LRP1B: variants seen among roughly 807,000 people sequenced by gnomAD.
LRP1B encodes the protein low-density lipoprotein receptor-related protein 1B.
In LRP1B, 217 loss-of-function variants were observed where a neutral mutation model predicts 556.6. That is an observed-to-expected ratio of 0.39 (90% CI 0.35 to 0.44). LRP1B has a LOEUF of 0.44. LRP1B is among the 20% of genes least tolerant of loss of function. LRP1B has a pLI of 1.00. For synonymous variants in LRP1B, 2,047 were observed against 1,865.8 expected (o/e 1.10, Z -2.50); for missense variants, 5,053 against 5,620.8 (o/e 0.90, Z 3.23).
At chr2:140,982,334 A>T in intron 17 of LRP1B, 58 bp from the exon 18 acceptor site, 1 of 1,048,530 alleles carries the variant, frequency 9.5e-7, no homozygotes, top group South Asian at 1.3e-5. Flanking sequence ...AACATCAAGG[A>T]TATAATTAAG....
At chr2:140,420,291 A>T (rs1057429803) in intron 66 of LRP1B, among the ~76,000 whole-genome samples, 7 of 152,188 alleles carry the variant, frequency 4.6e-5, no homozygotes, top group Non-Finnish European at 1.0e-4. Context: ...TAAGCCCACA[A>T]AATGCTGTAA....
chr2:141,640,970 C>A (rs1023114735), intron 2 of LRP1B, among the ~76,000 whole-genome samples: 3 of 152,206 alleles, frequency 2.0e-5, no homozygotes, highest in East Asian at 3.9e-4. Context: ...GGGCCTGCCA[C>A]GTACTAGTAT....
chr2:141,740,441 A>C (rs1038813669), intron 2 of LRP1B, among the ~76,000 whole-genome samples: 1 of 152,180 alleles, frequency 6.6e-6, no homozygotes, highest in African/African-American at 2.4e-5. Flanking sequence ...TGTAACTTTT[A>C]ACATTATTTT....
chr2:141,746,947 C>A (rs996063729), intron 2 of LRP1B, among the ~76,000 whole-genome samples: 2 of 151,636 alleles, frequency 1.3e-5, no homozygotes, highest in African/African-American at 4.9e-5. Flanking sequence ...TCAGAGTTTG[C>A]TTAAAAGCAT....
intron 1 of LRP1B, among the ~76,000 whole-genome samples, chr2:141,920,788 T>G (rs1574493945): frequency 6.6e-6 from 1 of 152,052 alleles, no homozygotes; most frequent in South Asian, 2.1e-4. Context: ...TAATATTATG[T>G]TAATCCTGCA....
chr2:140,333,529 G>C (rs1311214025), intron 79 of LRP1B, among the ~76,000 whole-genome samples: 3 of 151,806 alleles, frequency 2.0e-5, no homozygotes, highest in Non-Finnish European at 2.9e-5. Flanking sequence ...TCCCCATAAA[G>C]AGTAAAAACA....
At chr2:140,601,299 C>T in intron 42 of LRP1B, 151 bp downstream of exon 42, 6 of 607,466 alleles carry the variant, frequency 9.9e-6, no homozygotes, top group Non-Finnish European at 1.5e-5. Flanking sequence ...ATTTATAATG[C>T]TCTTACATAA....
At chr2:141,868,071 C>G (rs775514844) in intron 1 of LRP1B, among the ~76,000 whole-genome samples, 1 of 152,174 alleles carries the variant, frequency 6.6e-6, no homozygotes, top group East Asian at 1.9e-4. Context: ...CTTCTAACAT[C>G]TATTCTGACT....
intron 1 of LRP1B, among the ~76,000 whole-genome samples, chr2:142,055,120 T>G (rs1018893591): frequency 2.0e-5 from 3 of 152,104 alleles, no homozygotes; most frequent in African/African-American, 7.2e-5. Context: ...CAAGACAGAA[T>G]GTTTTTCTCC....
chr2:141,100,366 C>T (rs892051603), intron 7 of LRP1B, among the ~76,000 whole-genome samples: 9 of 152,112 alleles, frequency 5.9e-5, no homozygotes, highest in Non-Finnish European at 7.4e-5. Flanking sequence ...GAGCAAGAAA[C>T]GGTTGGGGCA....
rs115801355 is a variant in LRP1B, at chr2:141,571,042, G to A, written c.206-90509C>T. Among the ~76,000 whole-genome samples, 666 of 151,260 alleles carry A rather than the reference G, an allele frequency of 4.4e-3. 13 individuals carry two copies. The highest frequency in any genetic ancestry group is 0.015 in the African/African-American group (639 of 41,486). The stretch of plus-strand genomic sequence containing the variant: ...TCCCTCCAGCTTGGAGACACACCCC[G>A]TCCACCAAGGGACAAAGTTCCCTGT... On this transcript the variant is annotated intron_variant, in intron 2 of 90. Transcript: ENST00000389484.
chr2:142,097,071 C>T (rs541438752), intron 1 of LRP1B, among the ~76,000 whole-genome samples: 25 of 122,798 alleles, frequency 2.0e-4, no homozygotes, highest in South Asian at 4.9e-4. Context: ...AAAAAAACCC[C>T]GGTTTACCAA....
intron 66 of LRP1B, among the ~76,000 whole-genome samples, chr2:140,395,045 T>C (rs1046758349): frequency 2.0e-5 from 3 of 152,198 alleles, no homozygotes; most frequent in African/African-American, 7.2e-5. Flanking sequence ...AAGACTGAAA[T>C]TCCATTTTAC....
chr2:141,295,447 G>A, intron 3 of LRP1B, among the ~76,000 whole-genome samples: 1 of 151,988 alleles, frequency 6.6e-6, no homozygotes, highest in East Asian at 1.9e-4. Context: ...AGGTTTTAAT[G>A]AATCTCAATT....
chr2:140,437,509 T>C (rs1167070413), intron 66 of LRP1B, among the ~76,000 whole-genome samples: 1 of 152,170 alleles, frequency 6.6e-6, no homozygotes, highest in Non-Finnish European at 1.5e-5. Flanking sequence ...GAAATACTGA[T>C]TAAAAATACT....
chr2:140,519,640 A>G (rs552213686), intron 49 of LRP1B, among the ~76,000 whole-genome samples: 6 of 152,342 alleles, frequency 3.9e-5, no homozygotes, highest in African/African-American at 1.4e-4. Context: ...GAGATTCTGC[A>G]CAGCAGAAGA....
Position 140,815,454 on chromosome 2 carries a change from G to A in LRP1B, c.5210-1648C>T, listed in dbSNP as rs766819540. ...CCTGAGCTGCTGGAATTATAGGTGT[G>A]AGCCACCTCGCCTAGTTCTATTTTT... On this transcript the variant is annotated intron_variant, in intron 31 of 90. Transcript: ENST00000389484. Among the ~76,000 whole-genome samples, 149 of 152,024 alleles carry A rather than the reference G, an allele frequency of 9.8e-4. 3 individuals carry two copies. The highest frequency in any genetic ancestry group is 3.5e-4 in the Non-Finnish European group (24 of 68,014).
intron 41 of LRP1B, among the ~76,000 whole-genome samples, chr2:140,645,303 G>A (rs1684439992): frequency 6.6e-6 from 1 of 151,996 alleles, no homozygotes; most frequent in South Asian, 2.1e-4. Context: ...ATATGAATAT[G>A]TAAGAAGAAT....
At chr2:140,545,689 T>C (rs1235588279) in intron 43 of LRP1B, among the ~76,000 whole-genome samples, 4 of 152,118 alleles carry the variant, frequency 2.6e-5, no homozygotes, top group Admixed American at 2.6e-4. Flanking sequence ...ACTGTAGCCC[T>C]GTAGTACAGT....
Sources: allele counts gnomAD v4.1 joint callset (sites outside exome capture counted in the v4.1 genomes callset), GRCh38; gene constraint gnomAD v4.1.1; transcripts MANE v1.5; gene names NCBI Gene and HGNC (gene_info 2026-07-23, HGNC 2026-07-21).